The following RHD variants were observed in gnomAD, a reference collection of about 807,000 sequenced individuals.
The protein encoded by RHD is blood group Rh(D) polypeptide.
RHD carries 16 observed loss-of-function variants against 45.5 expected under a neutral mutation model. The ratio of observed to expected loss-of-function variants is 0.35; its 90% CI spans 0.24 to 0.53. The LOEUF (loss-of-function observed/expected upper bound fraction) is 0.53. Ranked by LOEUF, RHD falls within the 20% of genes least tolerant of loss-of-function variation. The pLI, the probability that RHD is intolerant of heterozygous loss-of-function variation, is 0.92. For synonymous variants in RHD, 131 were observed against 217.5 expected, an observed-to-expected ratio of 0.60 and a Z score of 3.50; for missense variants, 306 against 532.0, an observed-to-expected ratio of 0.58 and a Z score of 4.18.
rs601161 is a variant in RHD at position 25,297,040 on chromosome 1, C to T, written c.487-3906C>T. ...ACCTTATTCTCATTTCACCAATTTT[C>T]TCAATAATATCTTTTCTAGAAAAAA... On this transcript the variant is annotated intron_variant, in intron 3 of 9. Coordinates refer to ENST00000328664, the MANE Select transcript of RHD (RefSeq NM_016124.6). 2.5e-4 allele frequency among the ~76,000 whole-genome samples: 33 copies of T among 131,166 alleles called. 6 individuals carry two copies. The highest frequency in any genetic ancestry group is 4.0e-4 in the African/African-American group (15 of 37,880). The allele number at this position is 131,166 out of a possible 152,430, so 86.0% of individuals were successfully genotyped here.
In RHD at chr1:25,313,903, C is replaced by G. The variant is rs1323510197; in HGVS notation, c.1074-3097C>G. 2.3e-5 allele frequency among the ~76,000 whole-genome samples: 3 copies of G among 132,766 alleles called. 1 individual carries two copies. Among genetic ancestry groups the G allele is most frequent in the Non-Finnish European group, 5.4e-5 (3 of 55,980 alleles). 87.1% of individuals were successfully genotyped at this position (132,766 alleles called of 152,430 possible). A position where few individuals can be genotyped will look rare whatever the true frequency, so the allele number is the denominator to read the frequency against. On this transcript the variant is annotated intron_variant, in intron 7 of 9. Coordinates refer to ENST00000328664, the MANE Select transcript of RHD (RefSeq NM_016124.6). ...CTGTCATAAATGAATGCCAGATAGG[C>G]AAATAGAGAATCTAAGAAAAGATAG...
chr1:25,316,271 C>A (rs1644433575), intron 7 of RHD, among the ~76,000 whole-genome samples: 1 of 129,162 alleles, frequency 7.7e-6, no homozygotes, highest in African/African-American at 2.7e-5. Context: ...CAAGCTCTAC[C>A]CCACCCACCT....
Position 25,306,553 on chromosome 1 carries a change from G to A in RHD, c.940-43G>A, listed in dbSNP as rs1234182984. 27 of 1,369,274 alleles carry A rather than the reference G, an allele frequency of 2.0e-5. 7 individuals are homozygous for A. The highest frequency in any genetic ancestry group is 2.3e-5 in the Non-Finnish European group (22 of 971,916). 84.8% of individuals were successfully genotyped at this position (1,369,274 alleles called of 1,614,324 possible). ...TGTGAAAGGGGTGGGTAGGGAATAT[G>A]GGTCTCACCTGCCAATCTGCTTATA... On this transcript the variant is annotated intron_variant, in intron 6 of 9. Coordinates refer to ENST00000328664, the MANE Select transcript of RHD (RefSeq NM_016124.6).
chr1:25,303,600 G>C, intron 6 of RHD, 141 bp downstream of exon 6: 1 of 929,638 alleles, frequency 1.1e-6, no homozygotes, highest in East Asian at 2.5e-5. Context: ...CCTAGTGAGG[G>C]ATCCATCCTG....
intron 8 of RHD, among the ~76,000 whole-genome samples, chr1:25,320,148 T>G (rs1644621663): frequency 7.6e-6 from 1 of 131,758 alleles, no homozygotes; most frequent in Non-Finnish European, 1.8e-5. Flanking sequence ...TCCGCCCACC[T>G]TGGCCTCCCA....
intron 3 of RHD, among the ~76,000 whole-genome samples, chr1:25,300,434 C>A (rs2124672340): frequency 7.9e-6 from 1 of 127,380 alleles, no homozygotes; most frequent in African/African-American, 2.7e-5. Flanking sequence ...ATTGCTTGAG[C>A]CTGGGAGTTG....
At chr1:25,315,957 G>A (rs1644416879) in intron 7 of RHD, among the ~76,000 whole-genome samples, 1 of 131,866 alleles carries the variant, frequency 7.6e-6, no homozygotes, top group African/African-American at 2.6e-5. Flanking sequence ...TCCACCCCAT[G>A]AGGCTGCAGG....
rs1488354064 is a variant in RHD at position 25,319,488 on chromosome 1, A to G, written c.1154-2401A>G. Among the ~76,000 whole-genome samples the G allele has an allele frequency of 2.3e-5, 3 of 132,118 alleles. 1 individual carries two copies. The highest frequency in any genetic ancestry group is 2.2e-4 in the Admixed American group (3 of 13,484). 86.7% of individuals were successfully genotyped at this position (132,118 alleles called of 152,430 possible). On this transcript the variant is annotated intron_variant, in intron 8 of 9. Transcript: ENST00000328664. ...TAGCCAGGCGTGGTGGTACACCTGT[A>G]GTCCCAGCTGCTCTGGAGGCTGAGA...
At chr1:25,284,911 T>C (rs1309844466) in intron 2 of RHD, 152 bp downstream of exon 2, 3 of 1,047,908 alleles carry the variant, frequency 2.9e-6, no homozygotes, top group Non-Finnish European at 4.3e-6. Flanking sequence ...GATTATTCAT[T>C]GTTTAAAATT....
At chr1:25,281,657 C>T (rs28437167) in intron 1 of RHD, among the ~76,000 whole-genome samples, 9,671 of 130,484 alleles carry the variant, frequency 0.074, 2,081 homozygotes, top group African/African-American at 0.24. Context: ...GGCCACACAC[C>T]CCCATTCCTA....
At chr1:25,293,885 T>C (rs1303700517) in intron 3 of RHD, among the ~76,000 whole-genome samples, 1 of 132,186 alleles carries the variant, frequency 7.6e-6, no homozygotes, top group Non-Finnish European at 1.8e-5. Context: ...AGGCAAAAGC[T>C]GATATATCAT....
chr1:25,312,234 C>T lies in RHD; in HGVS notation c.1074-4766C>T, dbSNP rs1168832123. On this transcript the variant is annotated intron_variant, in intron 7 of 9. Transcript: ENST00000328664. ...TTGTACTTTCCTGGAACCAGTTACC[C>T]TTTTTCCCTTGCCTCTTTTTCCTTT... Among the ~76,000 whole-genome samples, 3 of 97,028 alleles carry T rather than the reference C, an allele frequency of 3.1e-5. 1 individual carries two copies. Among genetic ancestry groups the T allele is most frequent in the African/African-American group, 3.5e-5 (1 of 28,898 alleles). 63.7% of individuals were successfully genotyped at this position (97,028 alleles called of 152,430 possible).
In RHD at chr1:25,297,910, G is replaced by A. The variant is rs615330; in HGVS notation, c.487-3036G>A. ...CAGACTCAGGAGGGCACTAGAACTG[G>A]CTATGAGAAGCCACTGAGATCCCAG... is the stretch of plus-strand genomic sequence containing the variant. On this transcript the variant is annotated intron_variant, in intron 3 of 9. Coordinates refer to ENST00000328664, the MANE Select transcript of RHD (RefSeq NM_016124.6). 1.4e-3 allele frequency among the ~76,000 whole-genome samples: 177 copies of A among 129,812 alleles called. 4 individuals are homozygous for A. The highest frequency in any genetic ancestry group is 4.5e-3 in the African/African-American group (165 of 36,708). The allele number at this position is 129,812 out of a possible 152,430, so 85.2% of individuals were successfully genotyped here.
chr1:25,308,845 G>C (rs2478025), intron 7 of RHD, among the ~76,000 whole-genome samples: 33,482 of 129,642 alleles, frequency 0.26, 9,614 homozygotes, highest in Admixed American at 0.31. Flanking sequence ...GGCTTCACCA[G>C]TGGTGAAGCC....
chr1:25,301,127 T>A, intron 4 of RHD, 34 bp downstream of exon 4: 1 of 1,368,624 alleles, frequency 7.3e-7, no homozygotes. Context: ...GTCTCCTACT[T>A]GGGCTGAGCA....
chr1:25,283,740 A>G (rs1309524682), intron 1 of RHD, among the ~76,000 whole-genome samples: 2 of 133,852 alleles, frequency 1.5e-5, no homozygotes, highest in African/African-American at 5.3e-5. Flanking sequence ...TATAAAGCTC[A>G]GAGATGTTAA....
intron 1 of RHD, among the ~76,000 whole-genome samples, chr1:25,279,431 A>G (rs1454292384): frequency 8.8e-6 from 1 of 114,210 alleles, no homozygotes; most frequent in African/African-American, 3.0e-5. Flanking sequence ...ACTGTTCATC[A>G]CCGTTACGCT....
chr1:25,279,086 G>C (rs1399270132), intron 1 of RHD, among the ~76,000 whole-genome samples: 4 of 128,932 alleles, frequency 3.1e-5, no homozygotes, highest in African/African-American at 1.1e-4. Context: ...GCAGCTGACC[G>C]GAGGAGGCAG....
intron 7 of RHD, among the ~76,000 whole-genome samples, chr1:25,315,228 T>C (rs1644378173): frequency 7.7e-6 from 1 of 130,108 alleles, no homozygotes; most frequent in Admixed American, 7.5e-5. Flanking sequence ...TATTATTAGA[T>C]CAATGAATTG....
Sources: allele counts gnomAD v4.1 joint callset (sites outside exome capture counted in the v4.1 genomes callset), GRCh38; gene constraint gnomAD v4.1.1; transcripts MANE v1.5; gene names NCBI Gene and HGNC (gene_info 2026-07-23, HGNC 2026-07-21).